CDH9: variants seen among roughly 807,000 people sequenced by gnomAD.
CDH9 encodes cadherin-9.
A neutral mutation model predicts 70.9 loss-of-function variants in CDH9; 28 were observed. That is an observed-to-expected ratio of 0.40 (90% CI 0.29 to 0.54). The LOEUF is 0.54. Ranked by LOEUF, CDH9 falls within the 20% of genes least tolerant of loss-of-function variation. The probability of loss-of-function intolerance (pLI) is 0.59; values close to 1 mark genes in which losing one functional copy is unlikely to be tolerated. For missense variants in CDH9, 874 were observed against 984.4 expected (o/e 0.89, Z 1.50); for synonymous variants, 409 against 343.1 (o/e 1.19, Z -2.12).
intron 3 of CDH9, among the ~76,000 whole-genome samples, chr5:26,911,222 T>A (rs1741047605): frequency 6.6e-6 from 1 of 152,142 alleles, no homozygotes; most frequent in African/African-American, 2.4e-5. Context: ...ATGTGGGATG[T>A]GGGCCTTGGC....
At chr5:26,896,073 C>A (rs545202159) in intron 7 of CDH9, among the ~76,000 whole-genome samples, 1 of 151,938 alleles carries the variant, frequency 6.6e-6, no homozygotes, top group Non-Finnish European at 1.5e-5. Flanking sequence ...AGATTAATTT[C>A]GCTCAATATT....
At chr5:26,976,646 C>T (rs1254474572) in intron 2 of CDH9, among the ~76,000 whole-genome samples, 3 of 152,092 alleles carry the variant, frequency 2.0e-5, no homozygotes, top group African/African-American at 7.2e-5. Context: ...TGCCATGTTG[C>T]ACAGGCTGGT....
intron 2 of CDH9, among the ~76,000 whole-genome samples, chr5:26,949,772 T>C (rs1741813253): frequency 6.6e-6 from 1 of 152,148 alleles, no homozygotes; most frequent in African/African-American, 2.4e-5. Flanking sequence ...AATAAGGACA[T>C]AAGTAAGTAT....
At position 27,035,706 on chromosome 5, in the gene CDH9, GT is replaced by G. The variant is rs1743381941; in HGVS notation, c.-50+2756del. Among the ~76,000 whole-genome samples, 8 of 150,072 alleles carry G rather than the reference GT, an allele frequency of 5.3e-5. No individual in the cohort carries two copies. In the South Asian group the frequency reaches 6.3e-4, roughly 12 times the overall value. ...TGTGTGTGTGTGTGTGTGTGTGTGT[GT>G]GTGGGTGTGTGTGGGTGTGTGTGTA... On this transcript the variant is annotated intron_variant, in intron 1 of 11. Coordinates refer to ENST00000231021, the MANE Select transcript of CDH9 (RefSeq NM_016279.4).
At chr5:26,977,794 G>T (rs1742328094) in intron 2 of CDH9, among the ~76,000 whole-genome samples, 1 of 152,014 alleles carries the variant, frequency 6.6e-6, no homozygotes, top group African/African-American at 2.4e-5. Context: ...ACACAAGTAA[G>T]AACTCAGAGA....
intron 2 of CDH9, among the ~76,000 whole-genome samples, chr5:26,949,658 T>G (rs1275943257): frequency 6.6e-6 from 1 of 152,204 alleles, no homozygotes; most frequent in African/African-American, 2.4e-5. Context: ...TTTCTAAATA[T>G]TCTTTGGGTA....
At chr5:27,012,226 G>A (rs1055822967) in intron 1 of CDH9, among the ~76,000 whole-genome samples, 2 of 151,702 alleles carry the variant, frequency 1.3e-5, no homozygotes, top group African/African-American at 4.8e-5. Flanking sequence ...CTTAAATGCT[G>A]TATAAAAAGC....
At chr5:26,979,386 C>T (rs1742361363) in intron 2 of CDH9, among the ~76,000 whole-genome samples, 1 of 150,434 alleles carries the variant, frequency 6.6e-6, no homozygotes, top group African/African-American at 2.4e-5. Context: ...CAAGAATAGC[C>T]AATAAAGAGC....
intron 3 of CDH9, among the ~76,000 whole-genome samples, chr5:26,913,647 G>C (rs941374467): frequency 1.3e-5 from 2 of 152,072 alleles, no homozygotes; most frequent in African/African-American, 4.8e-5. Flanking sequence ...CAGAAAGATA[G>C]TTTGTACAAT....
At chr5:26,985,400 A>G (rs929898451) in intron 2 of CDH9, among the ~76,000 whole-genome samples, 1 of 152,140 alleles carries the variant, frequency 6.6e-6, no homozygotes, top group Non-Finnish European at 1.5e-5. Context: ...CTTCTAAATT[A>G]TAATATTTAC....
intron 8 of CDH9, among the ~76,000 whole-genome samples, 188 bp downstream of exon 8, chr5:26,890,240 C>T (rs1321652914): frequency 6.6e-6 from 1 of 152,012 alleles, no homozygotes; most frequent in Non-Finnish European, 1.5e-5. Flanking sequence ...AAAAGAAAAT[C>T]AAATTTGAAA....
At chr5:27,022,078 T>C (rs1037797519) in intron 1 of CDH9, among the ~76,000 whole-genome samples, 1 of 152,010 alleles carries the variant, frequency 6.6e-6, no homozygotes, top group Non-Finnish European at 1.5e-5. Flanking sequence ...ATTACTCCCA[T>C]AACACTATAG....
intron 1 of CDH9, among the ~76,000 whole-genome samples, chr5:27,012,816 T>C (rs920169678): frequency 6.6e-6 from 1 of 152,036 alleles, no homozygotes; most frequent in Non-Finnish European, 1.5e-5. Flanking sequence ...TTACAAGGAA[T>C]ATTTCCTTAA....
At chr5:26,904,074 C>A (rs1224864945) in intron 5 of CDH9, among the ~76,000 whole-genome samples, 4 of 151,568 alleles carry the variant, frequency 2.6e-5, no homozygotes, top group Admixed American at 2.6e-4. Flanking sequence ...TTTATTTAGA[C>A]TATAGATGGT....
chr5:26,974,199 G>A lies in CDH9; in HGVS notation c.228+13907C>T, dbSNP rs542737919. ...ACAGTGGTTGCAGAGATGAGATTGC[G>A]CCACTGCACTTCAGCCAGGGCAGCT... is the stretch of plus-strand genomic sequence containing the variant. On this transcript the variant is annotated intron_variant, in intron 2 of 11. Coordinates refer to ENST00000231021, the MANE Select transcript of CDH9 (RefSeq NM_016279.4). Among the ~76,000 whole-genome samples, 16 of 152,208 alleles carry A rather than the reference G, an allele frequency of 1.1e-4. No homozygotes were observed. In the East Asian group the frequency reaches 1.4e-3, roughly 13 times the overall value.
At chr5:26,896,375 C>T (rs759086654) in intron 7 of CDH9, among the ~76,000 whole-genome samples, 1 of 151,564 alleles carries the variant, frequency 6.6e-6, no homozygotes, top group Non-Finnish European at 1.5e-5. Flanking sequence ...TGCACATACA[C>T]ACCAAGTATA....
At chr5:26,928,950 A>G (rs10037924) in intron 2 of CDH9, among the ~76,000 whole-genome samples, 14,535 of 152,078 alleles carry the variant, frequency 0.096, 861 homozygotes, top group East Asian at 0.17. Context: ...TAGTTAAGCA[A>G]TACACCATAA....
chr5:26,909,298 TATAA>T (rs1387740024), intron 3 of CDH9, among the ~76,000 whole-genome samples: 1 of 152,190 alleles, frequency 6.6e-6, no homozygotes, highest in East Asian at 1.9e-4. Flanking sequence ...ATACTAATTT[TATAA>T]ATGTTTCTTT....
At chr5:26,902,777 A>C (rs368524191) in intron 6 of CDH9, 48 bp from the exon 7 acceptor site, 6 of 1,113,534 alleles carry the variant, frequency 5.4e-6, no homozygotes, top group Admixed American at 2.2e-5. Context: ...AGAAGATATG[A>C]CAATGAAAGA....
Sources: allele counts gnomAD v4.1 joint callset (sites outside exome capture counted in the v4.1 genomes callset), GRCh38; gene constraint gnomAD v4.1.1; transcripts MANE v1.5; gene names NCBI Gene and HGNC (gene_info 2026-07-23, HGNC 2026-07-21).